PRH1: variants seen among roughly 807,000 people sequenced by gnomAD.
PRH1 encodes the protein proline rich protein HaeIII subfamily 1.
Under a neutral mutation model 7.9 loss-of-function variants are expected in PRH1, and 7 were observed. That is an observed-to-expected ratio of 0.89 (90% CI 0.50 to 1.67). The LOEUF is 1.67. Among genes scored for constraint, PRH1 ranks in the 40% most tolerant of loss-of-function variants. PRH1 has a pLI of 0.00. For missense variants in PRH1, 109 were observed against 223.6 expected, an observed-to-expected ratio of 0.49 and a Z score of 3.27; for synonymous variants, 45 against 80.8, an observed-to-expected ratio of 0.56 and a Z score of 2.38.
At chr12:10,894,901 C>T (rs1001858628) in intron 2 of PRH1, 2 of 152,078 alleles carry the variant, frequency 1.3e-5, no homozygotes, top group Admixed American at 1.3e-4. Flanking sequence ...GTTCTTCTTC[C>T]TTTTTTTCTT....
intron 1 of PRH1, chr12:11,061,447 T>G (rs1223793934): frequency 6.2e-7 from 1 of 1,614,150 alleles, no homozygotes; most frequent in Non-Finnish European, 8.5e-7. Flanking sequence ...TAGCTTCTTG[T>G]TTCCCCAAAT....
At position 11,100,319 on chromosome 12, in the gene PRH1, T is replaced by C. The variant is rs150926289; in HGVS notation, n.124-53131A>G. On this transcript the variant is annotated intron_variant and non_coding_transcript_variant, in intron 1 of 4. Transcript: ENST00000541977. ...GGTAATGATTTTCTTCCTTTTGTAA[T>C]ACTTTGGTCAAAGAAGAGAATAAAA... 1.4e-4 allele frequency among the ~76,000 whole-genome samples: 21 copies of C among 152,318 alleles called. No individual in the cohort carries two copies. In the East Asian group the frequency reaches 3.7e-3, roughly 27 times the overall value.
intron 1 of PRH1, among the ~76,000 whole-genome samples, chr12:11,142,548 T>C (rs1276515294): frequency 6.6e-6 from 1 of 152,176 alleles, no homozygotes; most frequent in Admixed American, 6.5e-5. Context: ...CCAACATTCA[T>C]GGTCAATTGC....
At chr12:11,064,916 T>G (rs1033770471) in intron 1 of PRH1, among the ~76,000 whole-genome samples, 7 of 151,924 alleles carry the variant, frequency 4.6e-5, no homozygotes, top group African/African-American at 1.5e-4. Context: ...AAGCCAGGCA[T>G]AAGGAAGCTA....
intron 1 of PRH1, among the ~76,000 whole-genome samples, chr12:11,105,021 TTGTC>T (rs1355494284): frequency 6.6e-5 from 10 of 151,842 alleles, no homozygotes; most frequent in Admixed American, 1.3e-4. Flanking sequence ...TCATTATAAA[TTGTC>T]TAACCTTTTT....
intron 1 of PRH1, chr12:11,021,590 A>T (rs768341281): frequency 1.3e-4 from 145 of 1,115,686 alleles, no homozygotes; most frequent in Non-Finnish European, 1.8e-4. Context: ...AATGTTCCAG[A>T]CACCATCAGT....
chr12:10,886,772 G>A (rs1949498615), upstream of PRH1, among the ~76,000 whole-genome samples: 1 of 152,176 alleles, frequency 6.6e-6, no homozygotes, highest in South Asian at 2.1e-4. Context: ...TTACCTAGTG[G>A]TTCAAAAATC....
chr12:11,149,795 C>T (rs1216054810), intron 1 of PRH1, among the ~76,000 whole-genome samples: 2 of 137,274 alleles, frequency 1.5e-5, no homozygotes, highest in East Asian at 4.0e-4. Context: ...AAAGCAATGG[C>T]AACAAAAGAC....
At chr12:10,926,742 C>G (rs1257164536) in intron 2 of PRH1, among the ~76,000 whole-genome samples, 1 of 152,110 alleles carries the variant, frequency 6.6e-6, no homozygotes, top group Non-Finnish European at 1.5e-5. Flanking sequence ...ATTAGATAAG[C>G]TAATGGGTAG....
chr12:11,115,227 T>C (rs977867644), intron 1 of PRH1, among the ~76,000 whole-genome samples: 3 of 151,936 alleles, frequency 2.0e-5, no homozygotes, highest in Non-Finnish European at 4.4e-5. Flanking sequence ...TTCATGGCAA[T>C]GGAAGCCAAA....
intron 1 of PRH1, among the ~76,000 whole-genome samples, chr12:11,009,167 T>G (rs35977481): frequency 0.3 from 45,882 of 151,592 alleles, 8,708 homozygotes; most frequent in East Asian, 0.7. Context: ...AAAAATATCA[T>G]TTTTAATTTC....
intron 2 of PRH1, among the ~76,000 whole-genome samples, chr12:10,934,432 A>T (rs1447468643): frequency 6.6e-6 from 1 of 152,114 alleles, no homozygotes; most frequent in Non-Finnish European, 1.5e-5. Context: ...AGTGTTATGA[A>T]TCCATTCCCC....
chr12:10,904,851 A>G (rs1205068181), intron 2 of PRH1, among the ~76,000 whole-genome samples: 1 of 152,132 alleles, frequency 6.6e-6, no homozygotes, highest in Non-Finnish European at 1.5e-5. Context: ...TAACCCCTTT[A>G]AAAACGAGCA....
In PRH1 at chr12:11,087,442, T is replaced by C. The variant is rs1462367191; in HGVS notation, n.124-40254A>G. On this transcript the variant is annotated intron_variant and non_coding_transcript_variant, in intron 1 of 4. Transcript: ENST00000541977. Reference sequence around the variant, plus strand: ...AGATGCTACCTAGAGCTTTGGCTCATGTCCATCCCAAGGTGGAGCTAATCA... The same window carrying C: ...AGATGCTACCTAGAGCTTTGGCTCACGTCCATCCCAAGGTGGAGCTAATCA... Among the ~76,000 whole-genome samples, 4 of 116,746 alleles carry C rather than the reference T, an allele frequency of 3.4e-5. 2 individuals carry two copies. The highest frequency in any genetic ancestry group is 8.1e-5 in the Non-Finnish European group (4 of 49,250). The allele number at this position is 116,746 out of a possible 152,430, so 76.6% of individuals were successfully genotyped here. A position where few individuals can be genotyped will look rare whatever the true frequency, so the allele number is the denominator to read the frequency against.
intron 2 of PRH1, among the ~76,000 whole-genome samples, chr12:10,900,784 T>C (rs1461853772): frequency 6.6e-6 from 1 of 152,186 alleles, no homozygotes. Flanking sequence ...AGCAGCTTCA[T>C]CTGCTCCACC....
intron 1 of PRH1, among the ~76,000 whole-genome samples, chr12:10,998,454 G>A (rs945532578): frequency 8.6e-5 from 13 of 151,986 alleles, no homozygotes; most frequent in Non-Finnish European, 1.6e-4. Flanking sequence ...GAAACCACAG[G>A]AAAGCCAATA....
In PRH1 at chr12:11,080,567, T is replaced by C. The variant is rs564914252; in HGVS notation, n.124-33379A>G. Among the ~76,000 whole-genome samples, 2 of 115,342 alleles carry C rather than the reference T, an allele frequency of 1.7e-5. 1 individual carries two copies. The highest frequency in any genetic ancestry group is 1.7e-4 in the Admixed American group (2 of 11,464). 75.7% of individuals were successfully genotyped at this position (115,342 alleles called of 152,430 possible). On this transcript the variant is annotated intron_variant and non_coding_transcript_variant, in intron 1 of 4. Coordinates refer to the PRH1 transcript ENST00000541977. ...AAGCCAAAAACATAGTTTGACTAAA[T>C]TTATTTCTGTCACCTTTATCTCCAG...
chr12:10,989,218 G>A (rs536189839), intron 1 of PRH1, among the ~76,000 whole-genome samples: 1 of 151,638 alleles, frequency 6.6e-6, no homozygotes, highest in East Asian at 1.9e-4. Flanking sequence ...GTATGTTCCT[G>A]TTCATGGCTT....
At chr12:11,100,918 T>A (rs1416763961) in intron 1 of PRH1, among the ~76,000 whole-genome samples, 1 of 152,172 alleles carries the variant, frequency 6.6e-6, no homozygotes, top group Non-Finnish European at 1.5e-5. Flanking sequence ...TATAGTGAAA[T>A]TAGAATGCTA....
Sources: allele counts gnomAD v4.1 joint callset (sites outside exome capture counted in the v4.1 genomes callset), GRCh38; gene constraint gnomAD v4.1.1; transcripts MANE v1.5; gene names NCBI Gene and HGNC (gene_info 2026-07-23, HGNC 2026-07-21).